CLMN: variants seen among roughly 807,000 people sequenced by gnomAD.
CLMN encodes calmin, also known as calmin (calponin-like, transmembrane).
CLMN carries 57 observed loss-of-function variants against 92.7 expected under a neutral mutation model. The ratio of observed to expected loss-of-function variants is 0.61; its 90% confidence interval spans 0.50 to 0.77. The LOEUF is 0.77. CLMN is among the 30% of genes least tolerant of loss of function. The probability of loss-of-function intolerance (pLI) is 0.00; values close to 1 mark genes in which losing one functional copy is unlikely to be tolerated. For missense variants in CLMN, 1,158 were observed against 1,237.5 expected, an observed-to-expected ratio of 0.94 and a Z score of 0.96; for synonymous variants, 466 against 470.6, an observed-to-expected ratio of 0.99 and a Z score of 0.13.
At position 95,285,205 on chromosome 14, in the gene CLMN, A is replaced by G. The variant is rs189202055; in HGVS notation, c.82+34506T>C. On this transcript the variant is annotated intron_variant, in intron 1 of 12. Coordinates refer to ENST00000298912, the MANE Select transcript of CLMN (RefSeq NM_024734.4). Reference sequence around the variant, plus strand: ...CCATGATTCTGAGGCCTCCTTAGCCATGTGGAACTGTAAGTCCAATTAAAC... The same window carrying G: ...CCATGATTCTGAGGCCTCCTTAGCCGTGTGGAACTGTAAGTCCAATTAAAC... 2.6e-5 allele frequency among the ~76,000 whole-genome samples: 4 copies of G among 152,318 alleles called. No individual in the cohort carries two copies. In the East Asian group the frequency reaches 7.7e-4, roughly 29 times the overall value.
intron 7 of CLMN, 129 bp from the exon 8 acceptor site, chr14:95,209,606 G>A: frequency 2.7e-6 from 2 of 740,622 alleles, no homozygotes; most frequent in Non-Finnish European, 2.4e-6. Context: ...TCCACTTGAG[G>A]AACTTTAGGC....
intron 1 of CLMN, among the ~76,000 whole-genome samples, chr14:95,315,560 C>T (rs1198671876): frequency 5.3e-5 from 8 of 152,246 alleles, no homozygotes; most frequent in Non-Finnish European, 1.5e-5. Context: ...CCACATGGGC[C>T]GGGGCTGATC....
intron 5 of CLMN, 75 bp downstream of exon 5, chr14:95,215,565 TG>T: frequency 7.9e-7 from 1 of 1,260,092 alleles, no homozygotes; most frequent in Non-Finnish European, 1.2e-6. Context: ...TCCCTTAATC[TG>T]GCCCCACTCT....
chr14:95,300,857 C>T (rs973924789), intron 1 of CLMN, among the ~76,000 whole-genome samples: 24 of 152,256 alleles, frequency 1.6e-4, no homozygotes, highest in African/African-American at 5.8e-4. Flanking sequence ...TCTGTATCCC[C>T]AGTGCCTGGG....
chr14:95,238,618 C>T (rs1898137070), intron 1 of CLMN, among the ~76,000 whole-genome samples: 1 of 152,190 alleles, frequency 6.6e-6, no homozygotes, highest in Non-Finnish European at 1.5e-5. Context: ...GAGGCCCTCC[C>T]CCACCCAAAT....
rs769285575 is a variant in CLMN at position 95,213,377 on chromosome 14, G to A, written c.450C>T (p.Asn150=). 1 of 1,611,468 alleles carries A rather than the reference G, an allele frequency of 6.2e-7. No individual in the cohort carries two copies. The highest frequency in any genetic ancestry group is 8.5e-7 in the Non-Finnish European group (1 of 1,179,120). ...IKELTGNLSR[N]SPSSSLSPGS... ...CAGGGGACAAGCTGGAAGATGGAGA[G>A]TTTCTGCTGAGGTTGCCTGTGAGCT... Residue 150 remains asparagine (N), a synonymous_variant, in exon 6 of 13, where the codon AAC becomes AAT. Transcript: ENST00000298912.
At chr14:95,318,935 A>C (rs1036623602) in intron 1 of CLMN, among the ~76,000 whole-genome samples, 16 of 152,298 alleles carry the variant, frequency 1.1e-4, no homozygotes, top group African/African-American at 3.9e-4. Flanking sequence ...AATTCTTTTG[A>C]AAGAGAAACA....
intron 1 of CLMN, among the ~76,000 whole-genome samples, chr14:95,291,673 C>G (rs1192130091): frequency 3.3e-5 from 5 of 152,126 alleles, no homozygotes; most frequent in African/African-American, 4.8e-5. Context: ...ATTCCCATAG[C>G]CTGTGACCCA....
At chr14:95,245,796 T>TTGGATGGATGGATGGA (rs150318487) in intron 1 of CLMN, among the ~76,000 whole-genome samples, 58 of 140,360 alleles carry the variant, frequency 4.1e-4, no homozygotes, top group African/African-American at 1.4e-3. Context: ...GGTTGGATTA[T>TTGGATGGATGGATGGA]TGGATGGATG....
chr14:95,181,972 TTAAGAA>T lies in CLMN; in HGVS notation c.*9586_*9591del, dbSNP rs1465495030. 1 of 152,246 alleles carries T rather than the reference TTAAGAA, an allele frequency of 6.6e-6. No homozygotes were observed. The highest frequency in any genetic ancestry group is 1.5e-5 in the Non-Finnish European group (1 of 68,042). The allele number at this position is 152,246 out of a possible 1,614,324, so 9.4% of individuals were successfully genotyped here. ...AAGAAATTTATATTCAAAAATTTTCTTAAGAATACACATGATTTTACAAGATCATTC... is the reference window on the plus strand; with the variant it reads ...AAGAAATTTATATTCAAAAATTTTCTTACACATGATTTTACAAGATCATTC... On this transcript the variant is annotated 3_prime_UTR_variant, in exon 13 of 13. Coordinates refer to ENST00000298912, the MANE Select transcript of CLMN (RefSeq NM_024734.4).
intron 1 of CLMN, among the ~76,000 whole-genome samples, chr14:95,311,174 T>A (rs1263019562): frequency 6.6e-6 from 1 of 152,052 alleles, no homozygotes; most frequent in Non-Finnish European, 1.5e-5. Context: ...AGGTTCAGGT[T>A]CCTCCACCAC....
chr14:95,245,262 T>A (rs1898494980), intron 1 of CLMN, among the ~76,000 whole-genome samples: 1 of 43,016 alleles, frequency 2.3e-5, no homozygotes, highest in African/African-American at 1.4e-4. Flanking sequence ...ATAATATATA[T>A]ATATATATTA....
In CLMN at chr14:95,245,238, T is replaced by TA. The variant is rs1298554368; in HGVS notation, c.83-15106_83-15105insT. On this transcript the variant is annotated intron_variant, in intron 1 of 12. Transcript: ENST00000298912. ...TATATATATATATTATATATATATA[T>TA]TATATATATATATATAATATATATA... Among the ~76,000 whole-genome samples the TA allele has an allele frequency of 2.2e-3, 63 of 28,162 alleles. 1 individual carries two copies. Among genetic ancestry groups the TA allele is most frequent in the African/African-American group, 7.8e-3 (30 of 3,868 alleles). The allele number at this position is 28,162 out of a possible 152,430, so 18.5% of individuals were successfully genotyped here.
rs1053877986 is a variant in CLMN, at chr14:95,188,366, C to T, written c.*3198G>A. 2.6e-5 allele frequency: 4 copies of T among 152,072 alleles called. No individual in the cohort carries two copies. Among genetic ancestry groups the T allele is most frequent in the African/African-American group, 4.8e-5 (2 of 41,392 alleles). The allele number at this position is 152,072 out of a possible 1,614,324, so 9.4% of individuals were successfully genotyped here. A position where few individuals can be genotyped will look rare whatever the true frequency, so the allele number is the denominator to read the frequency against. On this transcript the variant is annotated 3_prime_UTR_variant, in exon 13 of 13. Transcript: ENST00000298912. ...CACAGAGAGACAAAATCTGCATCCA[C>T]GCATCAAGAGCAGGACACTGTAAAA...
intron 4 of CLMN, among the ~76,000 whole-genome samples, chr14:95,220,890 G>A (rs1897517205): frequency 6.6e-6 from 1 of 152,338 alleles, no homozygotes; most frequent in African/African-American, 2.4e-5. Flanking sequence ...GTCTCTTCAG[G>A]GGGCTCTGCG....
chr14:95,188,368 C>T lies in CLMN; in HGVS notation c.*3196G>A, dbSNP rs1265522326. ...CAGAGAGACAAAATCTGCATCCACG[C>T]ATCAAGAGCAGGACACTGTAAAACA... On this transcript the variant is annotated 3_prime_UTR_variant, in exon 13 of 13. Coordinates refer to ENST00000298912, the MANE Select transcript of CLMN (RefSeq NM_024734.4). The T allele has an allele frequency of 6.6e-6, 1 of 152,044 alleles. No individual in the cohort carries two copies. The highest frequency in any genetic ancestry group is 1.5e-5 in the Non-Finnish European group (1 of 68,018). The allele number at this position is 152,044 out of a possible 1,614,324, so 9.4% of individuals were successfully genotyped here.
At chr14:95,270,820 T>C (rs1017600080) in intron 1 of CLMN, among the ~76,000 whole-genome samples, 5 of 152,242 alleles carry the variant, frequency 3.3e-5, no homozygotes, top group Admixed American at 6.5e-5. Context: ...TCATTTCTCC[T>C]GGGTATACAC....
At position 95,248,687 on chromosome 14, in the gene CLMN, T is replaced by A. The variant is rs1262237377; in HGVS notation, c.83-18554A>T. Among the ~76,000 whole-genome samples, 3 of 152,204 alleles carry A rather than the reference T, an allele frequency of 2.0e-5. No individual in the cohort carries two copies. The East Asian group carries it at 5.8e-4, about 29-fold the overall frequency. ...ATGGATGCGTGCTTTTGGTGGTTAT[T>A]TGCAATTTCAAATATTTTAGTCAGT... On this transcript the variant is annotated intron_variant, in intron 1 of 12. Transcript: ENST00000298912.
intron 4 of CLMN, among the ~76,000 whole-genome samples, chr14:95,219,195 G>T (rs900775481): frequency 2.6e-5 from 4 of 152,200 alleles, no homozygotes; most frequent in Non-Finnish European, 5.9e-5. Flanking sequence ...GCAAACCTAG[G>T]ACCTACTAGG....
Sources: gnomAD v4.1 joint callset for allele counts (sites outside exome capture counted in the v4.1 genomes callset) on GRCh38, gnomAD v4.1.1 for gene constraint, MANE v1.5 for transcripts, NCBI Gene and HGNC (gene_info 2026-07-23, HGNC 2026-07-21) for gene names.